Variants in LGI1 observed in about 807,000 individuals in gnomAD.
LGI1 encodes the protein leucine rich glioma inactivated 1, also known as leucine-rich glioma-inactivated protein 1.
Under a neutral mutation model 57.7 loss-of-function variants are expected in LGI1, and 11 were observed. The ratio of observed to expected loss-of-function variants is 0.19; its 90% CI spans 0.12 to 0.32. The LOEUF (loss-of-function observed/expected upper bound fraction) is 0.32, where lower values mean the gene tolerates loss of function less well. Among genes scored for constraint, LGI1 ranks in the 10% least tolerant of loss-of-function variants. The probability of loss-of-function intolerance (pLI) is 1.00; values close to 1 mark genes in which losing one functional copy is unlikely to be tolerated. For missense variants in LGI1, 422 were observed against 661.9 expected, an observed-to-expected ratio of 0.64 and a Z score of 3.98; for synonymous variants, 222 against 241.9, an observed-to-expected ratio of 0.92 and a Z score of 0.76.
intron 5 of LGI1, 67 bp downstream of exon 5, chr10:93,790,237 T>C (rs906802791): frequency 1.5e-6 from 2 of 1,294,830 alleles, no homozygotes; most frequent in Non-Finnish European, 1.1e-6. Context: ...AAGCCTGGTA[T>C]TGATTATTAT....
Position 93,777,484 on chromosome 10 carries a change from T to G in LGI1, c.359+34T>G, listed in dbSNP as rs1589762080. 3 of 1,608,484 alleles carry G rather than the reference T, an allele frequency of 1.9e-6. No individual in the cohort carries two copies. The East Asian group carries it at 6.7e-5, about 36-fold the overall frequency. On this transcript the variant is annotated intron_variant, in intron 3 of 7. Coordinates refer to ENST00000371418, the MANE Select transcript of LGI1 (RefSeq NM_005097.4). ...AAAAGCTTTTTTAAAACATGATGAT[T>G]CAGGACAAGTACTCTCAAGTTCCTG...
At position 93,793,029 on chromosome 10, in the gene LGI1, A is replaced by G. The variant is rs929752777; in HGVS notation, c.673+117A>G. ...AAAACTAGCTGAGCAACTTAATTTTAAAAAAATTATGAACCATTGACAATG... is the reference window on the plus strand; with the variant it reads ...AAAACTAGCTGAGCAACTTAATTTTGAAAAAATTATGAACCATTGACAATG... On this transcript the variant is annotated intron_variant, in intron 6 of 7. Transcript: ENST00000371418. The G allele has an allele frequency of 2.4e-6, 3 of 1,248,734 alleles. No individual in the cohort carries two copies. In the African/African-American group the frequency reaches 4.6e-5, roughly 19 times the overall value. 77.4% of individuals were successfully genotyped at this position (1,248,734 alleles called of 1,614,324 possible).
intron 2 of LGI1, chr10:93,776,954 T>C (rs2059800213): frequency 4.4e-6 from 1 of 227,518 alleles, no homozygotes; most frequent in Admixed American, 5.2e-5. Flanking sequence ...GCAGCTTACT[T>C]TTTTTTAGGT....
At chr10:93,767,554 G>C (rs2059691954) in intron 2 of LGI1, 1 of 152,116 alleles carries the variant, frequency 6.6e-6, no homozygotes, top group African/African-American at 2.4e-5. Flanking sequence ...CTTATTTTTA[G>C]CTTAACTATT....
intron 2 of LGI1, chr10:93,767,547 A>G (rs138566489): frequency 6.6e-6 from 1 of 152,270 alleles, no homozygotes; most frequent in African/African-American, 2.4e-5. Flanking sequence ...AATTCATCTT[A>G]TTTTTAGCTT....
At position 93,758,371 on chromosome 10, in the gene LGI1, A is replaced by C; in HGVS notation, c.215+12A>C. On this transcript the variant is annotated intron_variant, in intron 1 of 7. Coordinates refer to ENST00000371418, the MANE Select transcript of LGI1 (RefSeq NM_005097.4). This position sits in a 1 kb window ranked among gnomAD's most constrained non-coding sequence, Gnocchi z 4.7. The stretch of plus-strand genomic sequence containing the variant: ...GATGTTATCTCATTGTAAGGCCCGT[A>C]AGCATTTTGATATCTAATTTACGAT... 1.2e-6 allele frequency: 2 copies of C among 1,611,744 alleles called. No homozygotes were observed. Among genetic ancestry groups the C allele is most frequent in the Non-Finnish European group, 1.7e-6 (2 of 1,177,938 alleles).
chr10:93,768,577 A>G (rs376708981), intron 2 of LGI1: 42 of 152,286 alleles, frequency 2.8e-4, no homozygotes, highest in African/African-American at 8.7e-4. Flanking sequence ...AGCTGTGCCA[A>G]TTCCTAGAAA....
chr10:93,778,053 A>G (rs539482819), intron 4 of LGI1, among the ~76,000 whole-genome samples: 1 of 152,172 alleles, frequency 6.6e-6, no homozygotes. Context: ...TGAAATATTT[A>G]ATTACTCAAT....
intron 5 of LGI1, 107 bp downstream of exon 5, chr10:93,790,277 A>T: frequency 2.9e-6 from 3 of 1,042,790 alleles, no homozygotes; most frequent in Non-Finnish European, 4.1e-6. Flanking sequence ...AATTAAAATT[A>T]GGATTTTTAA....
At chr10:93,791,603 T>C (rs2059938612) in intron 5 of LGI1, 1 of 152,188 alleles carries the variant, frequency 6.6e-6, no homozygotes, top group African/African-American at 2.4e-5. Context: ...CTAAAAAACA[T>C]TTTTAAATGT....
At chr10:93,775,026 T>C (rs902515319) in intron 2 of LGI1, among the ~76,000 whole-genome samples, 6 of 152,226 alleles carry the variant, frequency 3.9e-5, no homozygotes, top group African/African-American at 1.4e-4. Context: ...ATTATGGTAT[T>C]CATTATTATC....
At chr10:93,791,535 C>A (rs1002761429) in intron 5 of LGI1, 2 of 152,196 alleles carry the variant, frequency 1.3e-5, no homozygotes, top group Non-Finnish European at 1.5e-5. Context: ...CTTAGAAGTA[C>A]AAGGATCCAT....
At chr10:93,788,087 G>A (rs2059905142) in intron 4 of LGI1, among the ~76,000 whole-genome samples, 1 of 152,132 alleles carries the variant, frequency 6.6e-6, no homozygotes, top group Admixed American at 6.5e-5. Context: ...GTTTTTACCA[G>A]CTTCAGAGGA....
intron 4 of LGI1, among the ~76,000 whole-genome samples, chr10:93,787,433 A>C (rs181383431): frequency 6.6e-6 from 1 of 152,244 alleles, no homozygotes; most frequent in Admixed American, 6.5e-5. Flanking sequence ...AATTCTGGTG[A>C]ATTAGAAGCC....
chr10:93,775,174 G>T lies in LGI1; in HGVS notation c.288-2205G>T, dbSNP rs567090868. ...TGAATACCCTTGTAACCAGCACCCA[G>T]GTCAAGAAACTCAATATTATCATTA... On this transcript the variant is annotated intron_variant, in intron 2 of 7. Transcript: ENST00000371418. Among the ~76,000 whole-genome samples, 3 of 152,176 alleles carry T rather than the reference G, an allele frequency of 2.0e-5. No homozygotes were observed. The East Asian group carries it at 5.8e-4, about 29-fold the overall frequency.
chr10:93,761,150 A>T (rs1470884307), intron 2 of LGI1, among the ~76,000 whole-genome samples: 1 of 152,212 alleles, frequency 6.6e-6, no homozygotes, highest in East Asian at 1.9e-4. Context: ...CAATTGTGGG[A>T]ATGCATGGAT....
chr10:93,758,405 T>G lies in LGI1; in HGVS notation c.215+46T>G. 6.4e-7 allele frequency: 1 copy of G among 1,574,128 alleles called. No individual in the cohort carries two copies. Among genetic ancestry groups the G allele is most frequent in the Non-Finnish European group, 8.7e-7 (1 of 1,144,912 alleles). On this transcript the variant is annotated intron_variant, in intron 1 of 7. Coordinates refer to ENST00000371418, the MANE Select transcript of LGI1 (RefSeq NM_005097.4). The surrounding 1 kb of genome is among the most constrained non-coding windows in gnomAD (Gnocchi z 4.7). ...GATATCTAATTTACGATTTAAAAAT[T>G]CCAGCCGGTGGATTTGGGGCTTTGC...
At chr10:93,766,598 G>A (rs1353786070) in intron 2 of LGI1, among the ~76,000 whole-genome samples, 2 of 134,074 alleles carry the variant, frequency 1.5e-5, no homozygotes, top group Non-Finnish European at 1.5e-5. Context: ...TCCGCCTCCC[G>A]GGTTCACGCC....
chr10:93,775,729 G>A (rs1366256123), intron 2 of LGI1, among the ~76,000 whole-genome samples: 1 of 152,182 alleles, frequency 6.6e-6, no homozygotes, highest in Non-Finnish European at 1.5e-5. Context: ...ACTATGTCCT[G>A]CATCTGATTT....
Sources: allele counts gnomAD v4.1 joint callset (sites outside exome capture counted in the v4.1 genomes callset), GRCh38; gene constraint gnomAD v4.1.1; non-coding constraint Gnocchi (gnomAD v3.1); transcripts MANE v1.5; gene names NCBI Gene and HGNC (gene_info 2026-07-23, HGNC 2026-07-21).